The following DYNC2H1 variants were observed in gnomAD, a reference collection of about 807,000 sequenced individuals.
DYNC2H1 encodes the protein dynein cytoplasmic 2 heavy chain 1, also known as cytoplasmic dynein 2 heavy chain 1.
A neutral mutation model predicts 570.0 loss-of-function variants in DYNC2H1; 410 were observed. The observed-to-expected ratio is 0.72, with a 90% CI of 0.66 to 0.78. The LOEUF (loss-of-function observed/expected upper bound fraction) is 0.78. Among genes scored for constraint, DYNC2H1 ranks in the 30% least tolerant of loss-of-function variants. DYNC2H1 has a pLI of 0.00. For synonymous variants in DYNC2H1, 1,688 were observed against 1,677.6 expected, an observed-to-expected ratio of 1.01 and a Z score of -0.15; for missense variants, 4,865 against 5,046.4, an observed-to-expected ratio of 0.96 and a Z score of 1.09.
At position 103,479,246 on chromosome 11, in the gene DYNC2H1, A is replaced by G. The variant is rs766076686; in HGVS notation, c.12917A>G (p.Asn4306Ser). 2.5e-6 allele frequency: 4 copies of G among 1,610,372 alleles called. No homozygotes were observed. The highest frequency in any genetic ancestry group is 3.4e-6 in the Non-Finnish European group (4 of 1,178,122). ...TGTGGAGCAGCTCTATTCCTAAAAA[A>G]TCAGTAGAATCTAATGACAACAAAA... ...IQCGAALFLKNQ is the reference protein window; with the variant it reads ...IQCGAALFLKSQ The change falls in exon 89 of 89, where the codon AAT (asparagine) becomes AGT (serine). Residue 4306 changes from asparagine (N) to serine (S), a missense_variant. By Grantham distance (46) the Asn-to-Ser change is conservative. Around this residue, in one of 5 missense-constraint regions of DYNC2H1, gnomAD observed 2,401 missense variants for 2,454.6 expected, o/e 0.98. Coordinates refer to ENST00000375735, the MANE Select transcript of DYNC2H1 (RefSeq NM_001377.3).
At chr11:103,300,251 CAAT>C (rs1866992764) in intron 75 of DYNC2H1, among the ~76,000 whole-genome samples, 3 of 151,702 alleles carry the variant, frequency 2.0e-5, no homozygotes, top group African/African-American at 7.3e-5. Flanking sequence ...AAATAAAAAA[CAAT>C]AAAGGTTTCA....
chr11:103,297,728 TC>T lies in DYNC2H1; in HGVS notation c.11096-5364del, dbSNP rs757758581. The stretch of plus-strand genomic sequence containing the variant: ...ATGCAGCTCATGTAATTCTTTCCTC[TC>T]TTTTCTTTCTTTCTATACTCAATCT... On this transcript the variant is annotated intron_variant, in intron 75 of 88. Transcript: ENST00000375735. 1.1e-4 allele frequency among the ~76,000 whole-genome samples: 17 copies of T among 152,234 alleles called. No individual in the cohort carries two copies. The South Asian group carries it at 3.1e-3, about 28-fold the overall frequency.
At position 103,322,562 on chromosome 11, in the gene DYNC2H1, C is replaced by T. The variant is rs1301769181; in HGVS notation, c.11935-1324C>T. Among the ~76,000 whole-genome samples, 4 of 152,126 alleles carry T rather than the reference C, an allele frequency of 2.6e-5. No individual in the cohort carries two copies. The East Asian group carries it at 7.7e-4, about 29-fold the overall frequency. ...TGTGCTGTTTATATAAATTATATCA[C>T]GTGGTATATATATATTTTTATGTAC... is the stretch of plus-strand genomic sequence containing the variant. On this transcript the variant is annotated intron_variant, in intron 81 of 88. Coordinates refer to ENST00000375735, the MANE Select transcript of DYNC2H1 (RefSeq NM_001377.3).
chr11:103,235,202 T>C (rs1006116980), intron 61 of DYNC2H1, among the ~76,000 whole-genome samples: 9 of 151,938 alleles, frequency 5.9e-5, no homozygotes, highest in African/African-American at 1.9e-4. Flanking sequence ...GGAAAACCTT[T>C]CACAATCTGC....
chr11:103,174,952 G>A (rs933523589), intron 36 of DYNC2H1, among the ~76,000 whole-genome samples: 4 of 146,324 alleles, frequency 2.7e-5, no homozygotes, highest in Non-Finnish European at 1.5e-5. Flanking sequence ...GGGGTGGGGT[G>A]GGGGGTAGTA....
chr11:103,171,210 A>G (rs925339744), intron 34 of DYNC2H1, 142 bp downstream of exon 34: 2 of 782,894 alleles, frequency 2.6e-6, no homozygotes, highest in Non-Finnish European at 3.5e-6. Context: ...TTTTTTAGCT[A>G]TAAAACGTTT....
At chr11:103,310,586 G>A (rs1591557305) in intron 78 of DYNC2H1, among the ~76,000 whole-genome samples, 1 of 150,490 alleles carries the variant, frequency 6.6e-6, no homozygotes, top group Non-Finnish European at 1.5e-5. Flanking sequence ...TATCTATGGT[G>A]GTTTTTGTAA....
rs762801465 is a variant in DYNC2H1, at chr11:103,109,628, G to T, written c.54G>T (p.Gln18His). The change falls in exon 1 of 89, where the codon CAG becomes CAT. Residue 18 changes from glutamine (Q) to histidine (H), a missense_variant. Coordinates refer to ENST00000375735, the MANE Select transcript of DYNC2H1 (RefSeq NM_001377.3). ...VRKLFIFTTT[Q>H]NYFGLMSELW... ...AGCTCTTCATCTTCACTACTACCCAGAATTACTTCGGGTTGATGTCTGAAC... is the reference window on the plus strand; with the variant it reads ...AGCTCTTCATCTTCACTACTACCCATAATTACTTCGGGTTGATGTCTGAAC... 1.9e-5 allele frequency: 31 copies of T among 1,613,816 alleles called. No homozygotes were observed. The highest frequency in any genetic ancestry group is 2.5e-5 in the Non-Finnish European group (30 of 1,179,880).
chr11:103,416,549 G>A (rs892541634), intron 84 of DYNC2H1, among the ~76,000 whole-genome samples: 34 of 152,184 alleles, frequency 2.2e-4, no homozygotes, highest in African/African-American at 7.9e-4. Flanking sequence ...GACAAAAGAC[G>A]AGCAATGGGG....
chr11:103,228,775 T>C lies in DYNC2H1; in HGVS notation c.9354-2485T>C, dbSNP rs1309656438. On this transcript the variant is annotated intron_variant, in intron 59 of 88. Coordinates refer to ENST00000375735, the MANE Select transcript of DYNC2H1 (RefSeq NM_001377.3). The surrounding 1 kb of genome is among the most constrained non-coding windows in gnomAD (Gnocchi z 6.1). The stretch of plus-strand genomic sequence containing the variant: ...TTAACTCTTCAGGTTTCTCAGGCGG[T>C]GGGCAGGGCCTTAGAGCTTTCAAGA... 6.6e-6 allele frequency among the ~76,000 whole-genome samples: 1 copy of C among 152,110 alleles called. No individual in the cohort carries two copies. The highest frequency in any genetic ancestry group is 2.1e-4 in the South Asian group (1 of 4,824).
chr11:103,362,962 CAG>C, intron 83 of DYNC2H1, among the ~76,000 whole-genome samples: 1 of 152,056 alleles, frequency 6.6e-6, no homozygotes. Flanking sequence ...ACCCGGGAGA[CAG>C]AGGTTGCAGT....
intron 1 of DYNC2H1, among the ~76,000 whole-genome samples, chr11:103,110,056 G>A (rs748606533): frequency 4.6e-5 from 7 of 152,078 alleles, no homozygotes; most frequent in Non-Finnish European, 5.9e-5. Context: ...ACGGAGTTTC[G>A]TTCTGTCGCT....
At chr11:103,118,946 A>G (rs1456842689) in intron 6 of DYNC2H1, among the ~76,000 whole-genome samples, 1 of 152,174 alleles carries the variant, frequency 6.6e-6, no homozygotes, top group Non-Finnish European at 1.5e-5. Context: ...TTTAGCAGTC[A>G]TTAATCATGA....
At position 103,263,595 on chromosome 11, in the gene DYNC2H1, C is replaced by T. The variant is rs540341191; in HGVS notation, c.10695+3618C>T. Reference sequence around the variant, plus strand: ...CACAACTACATGGAAACTGAACAACCTGCTTCTGAATGACTAGTAGGTAAA... The same window carrying T: ...CACAACTACATGGAAACTGAACAACTTGCTTCTGAATGACTAGTAGGTAAA... On this transcript the variant is annotated intron_variant, in intron 70 of 88. Coordinates refer to ENST00000375735, the MANE Select transcript of DYNC2H1 (RefSeq NM_001377.3). Among the ~76,000 whole-genome samples, 75 of 152,206 alleles carry T rather than the reference C, an allele frequency of 4.9e-4. No individual in the cohort carries two copies. In the Middle Eastern group the frequency reaches 0.024, roughly 48 times the overall value.
intron 39 of DYNC2H1, among the ~76,000 whole-genome samples, chr11:103,180,955 G>T (rs1861828688): frequency 6.6e-6 from 1 of 151,464 alleles, no homozygotes; most frequent in Non-Finnish European, 1.5e-5. Context: ...TGAAACAATG[G>T]TGGAAGATAG....
Position 103,280,625 on chromosome 11 carries a change from A to C in DYNC2H1, c.10761+212A>C, listed in dbSNP as rs562890547. Among the ~76,000 whole-genome samples the C allele has an allele frequency of 2.0e-5, 3 of 152,164 alleles. No homozygotes were observed. In the South Asian group the frequency reaches 6.2e-4, roughly 31 times the overall value. On this transcript the variant is annotated intron_variant, in intron 71 of 88. Transcript: ENST00000375735. The surrounding 1 kb of genome is among the most constrained non-coding windows in gnomAD (Gnocchi z 4.7). ...TCCAGAGTGATGGTAAAGCAGGGAA[A>C]GAAATCTACAAAGCTGCCTACATTT... is the stretch of plus-strand genomic sequence containing the variant.
At chr11:103,248,269 G>T (rs1360208956) in intron 65 of DYNC2H1, among the ~76,000 whole-genome samples, 1 of 151,896 alleles carries the variant, frequency 6.6e-6, no homozygotes, top group Non-Finnish European at 1.5e-5. Flanking sequence ...AATGTGAAAA[G>T]TTTTCCCACT....
In DYNC2H1 at chr11:103,116,667, A is replaced by G. The variant is rs749778723; in HGVS notation, c.719A>G (p.His240Arg). 3.7e-6 allele frequency: 6 copies of G among 1,608,732 alleles called. No individual in the cohort carries two copies. Among genetic ancestry groups the G allele is most frequent in the African/African-American group, 1.3e-5 (1 of 74,858 alleles). The change falls in exon 5 of 89, where the codon CAT (histidine) becomes CGT (arginine). Residue 240 changes from histidine to arginine, a missense_variant. His to Arg is a conservative substitution (Grantham distance 29). Around this residue, in one of 5 missense-constraint regions of DYNC2H1, gnomAD observed 1,936 missense variants for 1,962.1 expected, o/e 0.99. Coordinates refer to ENST00000375735, the MANE Select transcript of DYNC2H1 (RefSeq NM_001377.3). Reference protein sequence around the residue: ...VVDDVWRQTEHDHYPESRMLH... With the variant: ...VVDDVWRQTERDHYPESRMLH... ...GATGATGTGTGGAGACAAACAGAAC[A>G]TGATCATTATCCTGAGTCACGAATG...
chr11:103,202,795 C>G (rs1430203759), intron 50 of DYNC2H1, among the ~76,000 whole-genome samples: 1 of 152,184 alleles, frequency 6.6e-6, no homozygotes, highest in South Asian at 2.1e-4. Flanking sequence ...TTATTAAATG[C>G]CTCTTATATG....
Sources: gnomAD v4.1 joint callset for allele counts (sites outside exome capture counted in the v4.1 genomes callset) on GRCh38, gnomAD v4.1.1 for gene constraint, gnomAD v4.1.1 regional missense constraint, Gnocchi (gnomAD v3.1) non-coding constraint, MANE v1.5 for transcripts, NCBI Gene and HGNC (gene_info 2026-07-23, HGNC 2026-07-21) for gene names.